SLC22A25: variants seen among roughly 807,000 people sequenced by gnomAD.
SLC22A25 encodes the protein solute carrier family 22 member 25, also known as MGI:2442751, MGI:2385316, MGI:3042283, MGI:3645714, MGI:3605624, MGI:2442750.
SLC22A25 carries 44 observed loss-of-function variants against 45.9 expected under a neutral mutation model. The ratio of observed to expected loss-of-function variants is 0.96; its 90% CI spans 0.75 to 1.23. The LOEUF is 1.23. Ranked by LOEUF, SLC22A25 falls within the 50% of genes most tolerant of loss-of-function variation. The pLI is 0.00. For missense variants in SLC22A25, 800 were observed against 666.4 expected, an observed-to-expected ratio of 1.20 and a Z score of -2.21; for synonymous variants, 283 against 238.6, an observed-to-expected ratio of 1.19 and a Z score of -1.72.
chr11:63,187,556 C>A (rs958903167), intron 7 of SLC22A25, among the ~76,000 whole-genome samples: 1 of 152,156 alleles, frequency 6.6e-6, no homozygotes. Flanking sequence ...TGCCTGATTG[C>A]CCTGGCCAGA....
intron 7 of SLC22A25, among the ~76,000 whole-genome samples, chr11:63,212,888 C>G (rs2089613680): frequency 6.6e-6 from 1 of 152,082 alleles, no homozygotes; most frequent in African/African-American, 2.4e-5. Flanking sequence ...CAATTGTGTG[C>G]TATTACAATA....
At position 63,163,777 on chromosome 11, in the gene SLC22A25, TG is replaced by T. The variant is rs1296789817; in HGVS notation, c.*46del. The T allele has an allele frequency of 6.4e-7, 1 of 1,563,390 alleles. No homozygotes were observed. Reference sequence around the variant, plus strand: ...GGAATAGCCCAGATCTAAGCCTTTTTGGGGGATGGTAGCCCTAAATGGTGTT... The same window carrying T: ...GGAATAGCCCAGATCTAAGCCTTTTTGGGGATGGTAGCCCTAAATGGTGTT... On this transcript the variant is annotated 3_prime_UTR_variant, in exon 12 of 12. Transcript: ENST00000306494.
At chr11:63,188,414 C>A (rs557049103) in intron 7 of SLC22A25, among the ~76,000 whole-genome samples, 1 of 151,884 alleles carries the variant, frequency 6.6e-6, no homozygotes, top group African/African-American at 2.4e-5. Context: ...TTTTTTATTG[C>A]GTCTATTTGA....
intron 7 of SLC22A25, among the ~76,000 whole-genome samples, chr11:63,193,706 G>A (rs1386193118): frequency 6.6e-6 from 1 of 152,234 alleles, no homozygotes; most frequent in African/African-American, 2.4e-5. Flanking sequence ...AAGATGGGGA[G>A]AAACAAGAGC....
intron 3 of SLC22A25, among the ~76,000 whole-genome samples, chr11:63,230,918 G>C (rs900844322): frequency 1.3e-5 from 2 of 151,968 alleles, no homozygotes; most frequent in African/African-American, 4.8e-5. Flanking sequence ...TTTTGTCCTT[G>C]AGATAGTTGG....
chr11:63,168,439 G>A (rs766709949), intron 9 of SLC22A25, among the ~76,000 whole-genome samples: 1 of 152,150 alleles, frequency 6.6e-6, no homozygotes, highest in South Asian at 2.1e-4. Flanking sequence ...TGCAGGAACT[G>A]CTAACTAGTT....
At chr11:63,182,341 T>C (rs1415417970) in intron 8 of SLC22A25, among the ~76,000 whole-genome samples, 1 of 152,038 alleles carries the variant, frequency 6.6e-6, no homozygotes, top group Non-Finnish European at 1.5e-5. Flanking sequence ...TGTCGTTGTT[T>C]TGAATCTCCC....
chr11:63,196,137 G>A (rs1387065450), intron 7 of SLC22A25, among the ~76,000 whole-genome samples: 8 of 152,092 alleles, frequency 5.3e-5, no homozygotes, highest in Admixed American at 2.6e-4. Flanking sequence ...AAAAAGTCCA[G>A]GACCAGACTG....
intron 9 of SLC22A25, among the ~76,000 whole-genome samples, chr11:63,168,305 A>C (rs1001106973): frequency 1.3e-5 from 2 of 152,192 alleles, no homozygotes; most frequent in African/African-American, 4.8e-5. Flanking sequence ...ATTAAACTGG[A>C]TGGAGAATGA....
intron 7 of SLC22A25, among the ~76,000 whole-genome samples, chr11:63,204,334 A>G (rs1447662347): frequency 6.6e-6 from 1 of 152,146 alleles, no homozygotes; most frequent in Non-Finnish European, 1.5e-5. Flanking sequence ...TAAATGGGCT[A>G]AATGCCCCAA....
intron 3 of SLC22A25, among the ~76,000 whole-genome samples, chr11:63,231,183 G>A (rs185004761): frequency 2.6e-5 from 4 of 152,184 alleles, no homozygotes; most frequent in Non-Finnish European, 5.9e-5. Flanking sequence ...GGATGGCTGG[G>A]TCAAATGGTA....
chr11:63,199,868 G>A (rs1481902459), intron 7 of SLC22A25, among the ~76,000 whole-genome samples: 1 of 151,688 alleles, frequency 6.6e-6, no homozygotes, highest in African/African-American at 2.4e-5. Context: ...TGCACACTAT[G>A]GGATAAATTG....
intron 7 of SLC22A25, among the ~76,000 whole-genome samples, chr11:63,196,503 A>G (rs7114545): frequency 1.2e-3 from 179 of 152,254 alleles, no homozygotes; most frequent in African/African-American, 4.1e-3. Flanking sequence ...AACGACAAAA[A>G]CCACATGATT....
At position 63,183,589 on chromosome 11, in the gene SLC22A25, A is replaced by G; in HGVS notation, c.954+105T>C. The G allele has an allele frequency of 2.0e-6, 3 of 1,465,536 alleles. No individual in the cohort carries two copies. The South Asian group carries it at 3.8e-5, about 18-fold the overall frequency. 90.8% of individuals were successfully genotyped at this position (1,465,536 alleles called of 1,614,324 possible). On this transcript the variant is annotated intron_variant, in intron 8 of 11. Transcript: ENST00000306494. ...TGATCGTGAGGTGAGATGACCCATA[A>G]CTCTACCTGTGTTTCTCTCCTTTAT...
At chr11:63,165,911 C>T (rs1221133643) in intron 10 of SLC22A25, 133 bp downstream of exon 10, 2 of 1,169,274 alleles carry the variant, frequency 1.7e-6, no homozygotes, top group Non-Finnish European at 1.2e-6. Flanking sequence ...GTCCTAAAGC[C>T]CCAGATTTCT....
Position 63,163,758 on chromosome 11 carries a change from G to T in SLC22A25, c.*66C>A. 6.5e-7 allele frequency: 1 copy of T among 1,546,682 alleles called. No homozygotes were observed. Among genetic ancestry groups the T allele is most frequent in the Non-Finnish European group, 8.7e-7 (1 of 1,149,488 alleles). ...CAAAGGCACTGACTACATGGGAATA[G>T]CCCAGATCTAAGCCTTTTTGGGGGA... is the stretch of plus-strand genomic sequence containing the variant. On this transcript the variant is annotated 3_prime_UTR_variant, in exon 12 of 12. Coordinates refer to ENST00000306494, the MANE Select transcript of SLC22A25 (RefSeq NM_199352.6).
intron 9 of SLC22A25, among the ~76,000 whole-genome samples, chr11:63,170,937 C>T (rs971647601): frequency 1.3e-5 from 2 of 152,126 alleles, no homozygotes; most frequent in African/African-American, 4.8e-5. Context: ...CAAACTGAAT[C>T]CAGCAGCACA....
At chr11:63,213,976 T>A (rs2089645844) in intron 7 of SLC22A25, among the ~76,000 whole-genome samples, 1 of 152,022 alleles carries the variant, frequency 6.6e-6, no homozygotes, top group African/African-American at 2.4e-5. Context: ...GAAGGAGGAG[T>A]ACATGGAAAA....
chr11:63,241,064 G>A (rs546600032), intron 1 of SLC22A25, among the ~76,000 whole-genome samples: 23 of 152,312 alleles, frequency 1.5e-4, no homozygotes, highest in African/African-American at 4.8e-4. Flanking sequence ...TTTAACTGCA[G>A]GCACATGAAA....
Sources: gnomAD v4.1 joint callset for allele counts (sites outside exome capture counted in the v4.1 genomes callset) on GRCh38, gnomAD v4.1.1 for gene constraint, MANE v1.5 for transcripts, NCBI Gene and HGNC (gene_info 2026-07-23, HGNC 2026-07-21) for gene names.